The following RABGAP1L variants were observed in gnomAD, a reference collection of about 807,000 sequenced individuals.
RABGAP1L encodes rab GTPase-activating protein 1-like.
A neutral mutation model predicts 137.7 loss-of-function variants in RABGAP1L; 63 were observed. The ratio of observed to expected loss-of-function variants is 0.46; its 90% CI spans 0.37 to 0.56. RABGAP1L has a LOEUF of 0.56. Ranked by LOEUF, RABGAP1L falls within the 20% of genes least tolerant of loss-of-function variation. The pLI is 0.00. For synonymous variants in RABGAP1L, 431 were observed against 433.7 expected, an observed-to-expected ratio of 0.99 and a Z score of 0.08; for missense variants, 1,095 against 1,244.0, an observed-to-expected ratio of 0.88 and a Z score of 1.80.
At chr1:174,183,442 G>A (rs948038148) in intron 1 of RABGAP1L, among the ~76,000 whole-genome samples, 32 of 152,074 alleles carry the variant, frequency 2.1e-4, no homozygotes, top group African/African-American at 7.5e-4. Context: ...CCGGCCTAAA[G>A]ATATACTTTA....
At chr1:174,181,585 C>T (rs943362844) in intron 1 of RABGAP1L, among the ~76,000 whole-genome samples, 1 of 152,138 alleles carries the variant, frequency 6.6e-6, no homozygotes, top group Admixed American at 6.5e-5. Context: ...GATCTGCCCA[C>T]CTCGGCCTCC....
At chr1:174,241,690 G>C (rs780501074) in intron 5 of RABGAP1L, 33 bp downstream of exon 5, 5 of 1,493,008 alleles carry the variant, frequency 3.3e-6, no homozygotes, top group African/African-American at 1.4e-5. Flanking sequence ...ATTTGCTATA[G>C]AGATGAATTA....
At chr1:174,812,043 G>T in intron 19 of RABGAP1L, 83 bp downstream of exon 19, 1 of 1,264,694 alleles carries the variant, frequency 7.9e-7, no homozygotes, top group Non-Finnish European at 1.0e-6. Flanking sequence ...TTTTTTATAT[G>T]TTGCAAGGTT....
chr1:174,806,319 T>C (rs1163683518), intron 18 of RABGAP1L, among the ~76,000 whole-genome samples: 6 of 152,214 alleles, frequency 3.9e-5, no homozygotes, highest in Non-Finnish European at 8.8e-5. Context: ...TTAGTATGTG[T>C]GCAGGCATGG....
chr1:174,603,405 C>G (rs1427288712), intron 13 of RABGAP1L, among the ~76,000 whole-genome samples: 1 of 152,068 alleles, frequency 6.6e-6, no homozygotes, highest in Non-Finnish European at 1.5e-5. Context: ...GAGTCAGACC[C>G]GAATCCAGCA....
intron 20 of RABGAP1L, among the ~76,000 whole-genome samples, chr1:174,960,314 A>T (rs559953439): frequency 5.3e-5 from 8 of 152,318 alleles, no homozygotes; most frequent in African/African-American, 1.9e-4. Flanking sequence ...GGGAATACAG[A>T]TCCAGCAATG....
At chr1:174,284,151 A>T (rs892226803) in intron 10 of RABGAP1L, among the ~76,000 whole-genome samples, 2 of 152,182 alleles carry the variant, frequency 1.3e-5, no homozygotes, top group African/African-American at 4.8e-5. Flanking sequence ...TGTCTTAGCA[A>T]ATTTCAAGTA....
chr1:174,749,106 G>A (rs1257405495), intron 17 of RABGAP1L, among the ~76,000 whole-genome samples: 1 of 151,446 alleles, frequency 6.6e-6, no homozygotes, highest in African/African-American at 2.4e-5. Context: ...AACCCAGGAA[G>A]TGGAGGTTGC....
At chr1:174,673,487 C>T (rs535572226) in intron 14 of RABGAP1L, among the ~76,000 whole-genome samples, 1 of 152,236 alleles carries the variant, frequency 6.6e-6, no homozygotes, top group Admixed American at 6.5e-5. Flanking sequence ...AAGATGCTAT[C>T]AGGTACCTGA....
At chr1:174,652,102 T>C (rs1409490877) in intron 14 of RABGAP1L, among the ~76,000 whole-genome samples, 1 of 152,228 alleles carries the variant, frequency 6.6e-6, no homozygotes, top group East Asian at 1.9e-4. Context: ...TGAAGCTTAG[T>C]TTGGCTGGAT....
intron 19 of RABGAP1L, among the ~76,000 whole-genome samples, chr1:174,945,295 C>T (rs917540649): frequency 4.6e-4 from 70 of 152,326 alleles, no homozygotes; most frequent in African/African-American, 1.6e-3. Context: ...TTCCATTACT[C>T]TCCAAATACT....
At chr1:174,432,143 A>C (rs542810982) in intron 13 of RABGAP1L, among the ~76,000 whole-genome samples, 4 of 152,062 alleles carry the variant, frequency 2.6e-5, no homozygotes, top group Non-Finnish European at 4.4e-5. Context: ...CCCAGCATCT[A>C]TTGTTGCTAT....
intron 13 of RABGAP1L, among the ~76,000 whole-genome samples, chr1:174,521,019 T>A (rs1663327774): frequency 1.3e-5 from 2 of 152,156 alleles, no homozygotes; most frequent in African/African-American, 4.8e-5. Flanking sequence ...GTGTTTTAGT[T>A]TCAAGAACAT....
At chr1:174,620,838 A>G (rs1054769137) in intron 13 of RABGAP1L, among the ~76,000 whole-genome samples, 4 of 152,170 alleles carry the variant, frequency 2.6e-5, no homozygotes, top group African/African-American at 9.7e-5. Flanking sequence ...AAATCAATGA[A>G]TACAGGAGCT....
chr1:174,692,792 G>A (rs924521148), intron 15 of RABGAP1L, among the ~76,000 whole-genome samples: 2 of 152,060 alleles, frequency 1.3e-5, no homozygotes, highest in Non-Finnish European at 2.9e-5. Flanking sequence ...TACATTTAGT[G>A]ATTGCCAACA....
At chr1:174,276,085 T>C (rs1031601566) in intron 9 of RABGAP1L, 150 bp downstream of exon 9, 3 of 560,750 alleles carry the variant, frequency 5.3e-6, no homozygotes, top group Non-Finnish European at 9.5e-6. Flanking sequence ...TTTATGCTTC[T>C]ATGGGGGAAA....
chr1:174,921,512 A>G (rs894981155), intron 19 of RABGAP1L, among the ~76,000 whole-genome samples: 2 of 152,206 alleles, frequency 1.3e-5, no homozygotes, highest in Non-Finnish European at 2.9e-5. Context: ...ACTCTTTCCT[A>G]TAGGATAAAA....
At chr1:174,649,159 GC>G (rs1359361181) in intron 14 of RABGAP1L, among the ~76,000 whole-genome samples, 2 of 152,020 alleles carry the variant, frequency 1.3e-5, no homozygotes, top group South Asian at 4.1e-4. Context: ...TATCCAATTT[GC>G]CAGTCTGTGT....
At chr1:174,458,892 A>G (rs1029373805) in intron 13 of RABGAP1L, among the ~76,000 whole-genome samples, 3 of 152,118 alleles carry the variant, frequency 2.0e-5, no homozygotes, top group Admixed American at 6.6e-5. Flanking sequence ...TAGTACTCCA[A>G]TAGGCCGTAA....
Sources: gnomAD v4.1 joint callset for allele counts (sites outside exome capture counted in the v4.1 genomes callset) on GRCh38, gnomAD v4.1.1 for gene constraint, MANE v1.5 for transcripts, NCBI Gene and HGNC (gene_info 2026-07-23, HGNC 2026-07-21) for gene names.